COMMD1: variants seen among roughly 807,000 people sequenced by gnomAD.
COMMD1 encodes the protein copper metabolism domain containing 1.
A neutral mutation model predicts 17.2 loss-of-function variants in COMMD1; 10 were observed. The observed-to-expected ratio is 0.58, with a 90% CI of 0.36 to 0.99. The LOEUF (loss-of-function observed/expected upper bound fraction) is 0.99, where lower values mean the gene tolerates loss of function less well. Ranked by LOEUF, COMMD1 falls within the 50% of genes least tolerant of loss-of-function variation. The probability of loss-of-function intolerance (pLI) is 0.01; values close to 1 mark genes in which losing one functional copy is unlikely to be tolerated. For missense variants in COMMD1, 270 were observed against 231.8 expected (o/e 1.17, Z -1.07); for synonymous variants, 97 against 91.6 (o/e 1.06, Z -0.34).
chr2:62,002,345 GTC>G (rs1668968892), intron 2 of COMMD1, among the ~76,000 whole-genome samples: 1 of 147,578 alleles, frequency 6.8e-6, no homozygotes. Context: ...ACAAAAATTA[GTC>G]AGGCATGGTG....
intron 2 of COMMD1, among the ~76,000 whole-genome samples, chr2:62,035,467 G>A (rs557531549): frequency 6.6e-6 from 1 of 152,206 alleles, no homozygotes; most frequent in East Asian, 1.9e-4. Flanking sequence ...TTGGCCAGAC[G>A]TGGTGGCTCA....
intron 2 of COMMD1, among the ~76,000 whole-genome samples, chr2:62,032,912 A>G (rs1400334104): frequency 6.6e-6 from 1 of 152,174 alleles, no homozygotes; most frequent in Admixed American, 6.5e-5. Flanking sequence ...CTGGGATTAT[A>G]GGCATGTGCC....
At chr2:62,063,393 T>C (rs1023560694) in intron 2 of COMMD1, among the ~76,000 whole-genome samples, 5 of 152,114 alleles carry the variant, frequency 3.3e-5, no homozygotes, top group Non-Finnish European at 7.4e-5. Flanking sequence ...GGTTTCACCC[T>C]GTTAGCCAGG....
chr2:62,104,852 G>A (rs1048246872), intron 2 of COMMD1, among the ~76,000 whole-genome samples: 16 of 151,970 alleles, frequency 1.1e-4, no homozygotes, highest in Admixed American at 6.6e-5. Flanking sequence ...ATGACTGGGC[G>A]CAGTAGCTCA....
chr2:62,046,065 G>T lies in COMMD1; in HGVS notation c.462+45083G>T, dbSNP rs901127722. Among the ~76,000 whole-genome samples the T allele has an allele frequency of 3.9e-5, 6 of 152,162 alleles. No homozygotes were observed. The South Asian group carries it at 1.2e-3, about 31-fold the overall frequency. On this transcript the variant is annotated intron_variant, in intron 2 of 2. Transcript: ENST00000311832. ...GGTTAAATTATAAATTCCTCCCAAT[G>T]TCAGCTTGGCCTATGTCCAGGAATG... is the stretch of plus-strand genomic sequence containing the variant.
intron 2 of COMMD1, among the ~76,000 whole-genome samples, chr2:62,081,000 T>A (rs987166798): frequency 2.0e-5 from 3 of 152,076 alleles, no homozygotes; most frequent in Non-Finnish European, 4.4e-5. Context: ...TATTGGTGTT[T>A]TTGCTACTAC....
chr2:62,056,839 A>G (rs1446838872), intron 2 of COMMD1, among the ~76,000 whole-genome samples: 1 of 152,198 alleles, frequency 6.6e-6, no homozygotes, highest in Non-Finnish European at 1.5e-5. Context: ...ACTGCTTGAC[A>G]TCACAAATGA....
chr2:61,944,480 A>C (rs1313102641), intron 1 of COMMD1, among the ~76,000 whole-genome samples: 2 of 152,006 alleles, frequency 1.3e-5, no homozygotes, highest in Non-Finnish European at 2.9e-5. Flanking sequence ...TAATAATAAT[A>C]GTAAGAATGC....
At position 62,000,952 on chromosome 2, in the gene COMMD1, T is replaced by C. The variant is rs752390084; in HGVS notation, c.432T>C (p.Ile144=). The part of the protein sequence containing the change: ...HSAQIHTPVA[I]IELELGKYGQ... ...CTCAAATACACACACCTGTTGCCAT[T>C]ATAGAGCTGGAATTAGGCAAATATG... The change falls in exon 2 of 3, where the codon ATT becomes ATC. Residue 144 remains isoleucine (I), a synonymous_variant. Transcript: ENST00000311832. 7.4e-6 allele frequency: 12 copies of C among 1,613,928 alleles called. No individual in the cohort carries two copies. In the South Asian group the frequency reaches 1.2e-4, roughly 16 times the overall value.
At chr2:61,928,295 G>T in intron 1 of COMMD1, among the ~76,000 whole-genome samples, 1 of 151,856 alleles carries the variant, frequency 6.6e-6, no homozygotes, top group East Asian at 1.9e-4. Flanking sequence ...TGAGTAACTG[G>T]GATTACAGGC....
At chr2:61,921,583 A>C (rs934904628) in intron 1 of COMMD1, among the ~76,000 whole-genome samples, 61 of 152,276 alleles carry the variant, frequency 4.0e-4, no homozygotes, top group African/African-American at 1.3e-3. Context: ...AGCTGGGACT[A>C]TAGGGGCCTG....
chr2:61,996,205 C>G (rs191568954), intron 1 of COMMD1, among the ~76,000 whole-genome samples: 1 of 152,196 alleles, frequency 6.6e-6, no homozygotes, highest in African/African-American at 2.4e-5. Context: ...CAAAAAAAAC[C>G]TAAAAACTTT....
At chr2:62,081,029 T>G (rs1195192164) in intron 2 of COMMD1, among the ~76,000 whole-genome samples, 1 of 152,102 alleles carries the variant, frequency 6.6e-6, no homozygotes, top group East Asian at 1.9e-4. Context: ...AAAAAAAAAT[T>G]CTATATGTAT....
At position 61,981,501 on chromosome 2, in the gene COMMD1, T is replaced by C. The variant is rs139243443; in HGVS notation, c.181-19200T>C. On this transcript the variant is annotated intron_variant, in intron 1 of 2. Transcript: ENST00000311832. ...TTCTCTATTCTGTTCCACTGGTCTG[T>C]GTGTCTGTTTTTATGCCAGTACCAT... Among the ~76,000 whole-genome samples the C allele has an allele frequency of 8.1e-3, 1,234 of 152,280 alleles. 23 individuals are homozygous for C. Among genetic ancestry groups the C allele is most frequent in the African/African-American group, 0.029 (1,196 of 41,554 alleles).
intron 2 of COMMD1, among the ~76,000 whole-genome samples, chr2:62,111,269 C>A (rs1444634202): frequency 1.3e-5 from 2 of 151,950 alleles, no homozygotes; most frequent in Non-Finnish European, 2.9e-5. Context: ...ATCTGACACG[C>A]CAACAAGGAC....
chr2:61,984,032 G>C (rs1672032593), intron 1 of COMMD1, among the ~76,000 whole-genome samples: 1 of 152,002 alleles, frequency 6.6e-6, no homozygotes, highest in African/African-American at 2.4e-5. Context: ...TGTTGTTGTT[G>C]CTGTTGTTTG....
At chr2:61,905,337 T>C (rs1002229851), upstream of COMMD1, among the ~76,000 whole-genome samples, 1 of 152,228 alleles carries the variant, frequency 6.6e-6, no homozygotes, top group East Asian at 1.9e-4. Flanking sequence ...TGGAATGAGA[T>C]ACAGCCATCT....
At chr2:61,891,877 G>C (rs1214497158) in intron 1 of COMMD1, among the ~76,000 whole-genome samples, 1 of 150,826 alleles carries the variant, frequency 6.6e-6, no homozygotes, top group Non-Finnish European at 1.5e-5. Flanking sequence ...TGTCACCCAG[G>C]CTGGAGTGCA....
upstream of COMMD1, among the ~76,000 whole-genome samples, chr2:61,901,449 C>T (rs1281071009): frequency 2.0e-5 from 3 of 151,738 alleles, no homozygotes; most frequent in African/African-American, 7.3e-5. Flanking sequence ...ATGGTGAAAC[C>T]TTATCTCCAC....
Sources: allele counts gnomAD v4.1 joint callset (sites outside exome capture counted in the v4.1 genomes callset), GRCh38; gene constraint gnomAD v4.1.1; transcripts MANE v1.5; gene names NCBI Gene and HGNC (gene_info 2026-07-23, HGNC 2026-07-21).